LRRTM4: variants seen among roughly 807,000 people sequenced by gnomAD.
The protein encoded by LRRTM4 is leucine rich repeat transmembrane neuronal 4.
Under a neutral mutation model 47.6 loss-of-function variants are expected in LRRTM4, and 25 were observed. The ratio of observed to expected loss-of-function variants is 0.53; its 90% CI spans 0.38 to 0.73. The LOEUF (loss-of-function observed/expected upper bound fraction) is 0.73, where lower values mean the gene tolerates loss of function less well. Among genes scored for constraint, LRRTM4 ranks in the 30% least tolerant of loss-of-function variants. LRRTM4 has a pLI of 0.00. For synonymous variants in LRRTM4, 311 were observed against 269.5 expected, an observed-to-expected ratio of 1.15 and a Z score of -1.51; for missense variants, 638 against 713.4, an observed-to-expected ratio of 0.89 and a Z score of 1.20.
At chr2:76,808,349 C>T (rs1385689897) in intron 3 of LRRTM4, among the ~76,000 whole-genome samples, 1 of 151,638 alleles carries the variant, frequency 6.6e-6, no homozygotes, top group East Asian at 1.9e-4. Flanking sequence ...TTTTCTTTTA[C>T]TTTCATTTAA....
chr2:76,803,216 C>G (rs1227056669), intron 3 of LRRTM4, among the ~76,000 whole-genome samples: 2 of 151,980 alleles, frequency 1.3e-5, no homozygotes, highest in African/African-American at 4.8e-5. Context: ...GGGTTAATAT[C>G]CAAAATATAT....
intron 3 of LRRTM4, among the ~76,000 whole-genome samples, chr2:77,113,120 T>C (rs1376446376): frequency 1.3e-5 from 2 of 152,078 alleles, no homozygotes; most frequent in Admixed American, 6.5e-5. Flanking sequence ...CAAAGCCTAA[T>C]TGGGCATAAA....
chr2:77,026,238 T>C (rs909801701), intron 3 of LRRTM4, among the ~76,000 whole-genome samples: 2 of 152,116 alleles, frequency 1.3e-5, no homozygotes, highest in Non-Finnish European at 2.9e-5. Flanking sequence ...CAGGGGCCAT[T>C]TGAAGCACTT....
chr2:77,123,336 T>C (rs1019436130), intron 3 of LRRTM4, among the ~76,000 whole-genome samples: 8 of 152,042 alleles, frequency 5.3e-5, no homozygotes, highest in Non-Finnish European at 4.4e-5. Context: ...TTGAACTCCA[T>C]TTAATTAAAT....
At position 76,867,168 on chromosome 2, in the gene LRRTM4, G is replaced by T. The variant is rs149749930; in HGVS notation, c.1552-118252C>A. On this transcript the variant is annotated intron_variant, in intron 3 of 3. Coordinates refer to ENST00000409884, the MANE Select transcript of LRRTM4 (RefSeq NM_001134745.3). ...GTTGATAGGTGCAGCAAACCACCAT[G>T]ACACATATATACTTATGTAACAAAG... Among the ~76,000 whole-genome samples the T allele has an allele frequency of 1.0e-3, 158 of 152,252 alleles. 1 individual carries two copies. Among genetic ancestry groups the T allele is most frequent in the Middle Eastern group, 6.8e-3 (2 of 294 alleles).
intron 3 of LRRTM4, among the ~76,000 whole-genome samples, chr2:76,976,703 G>A (rs968528469): frequency 6.6e-5 from 10 of 151,774 alleles, no homozygotes; most frequent in Admixed American, 3.9e-4. Context: ...TGGGATATCC[G>A]TGGAAAAAGG....
At chr2:76,790,330 C>A (rs1445173542) in intron 3 of LRRTM4, among the ~76,000 whole-genome samples, 1 of 151,402 alleles carries the variant, frequency 6.6e-6, no homozygotes. Flanking sequence ...TTTTTTTTTG[C>A]CTCTGAATAA....
intron 3 of LRRTM4, among the ~76,000 whole-genome samples, chr2:77,124,319 GTTAAA>G (rs1332565504): frequency 6.6e-6 from 1 of 152,034 alleles, no homozygotes; most frequent in Non-Finnish European, 1.5e-5. Context: ...CAGGAACCAA[GTTAAA>G]TACACACAGG....
chr2:77,031,173 CCATTT>C (rs1678642062), intron 3 of LRRTM4, among the ~76,000 whole-genome samples: 1 of 151,976 alleles, frequency 6.6e-6, no homozygotes, highest in East Asian at 1.9e-4. Flanking sequence ...TCTACATTTG[CCATTT>C]ATTTTAACTA....
intron 3 of LRRTM4, among the ~76,000 whole-genome samples, chr2:76,806,529 C>G (rs993462325): frequency 6.6e-6 from 1 of 152,024 alleles, no homozygotes; most frequent in African/African-American, 2.4e-5. Context: ...TGCAATGAGC[C>G]AAGATCACGT....
chr2:76,803,063 C>T (rs926141262), intron 3 of LRRTM4, among the ~76,000 whole-genome samples: 2 of 151,802 alleles, frequency 1.3e-5, no homozygotes, highest in African/African-American at 4.8e-5. Flanking sequence ...TTATTTTTTG[C>T]ATATGAACAA....
intron 3 of LRRTM4, among the ~76,000 whole-genome samples, chr2:77,398,256 A>C (rs894045608): frequency 2.6e-5 from 4 of 151,918 alleles, no homozygotes; most frequent in African/African-American, 9.7e-5. Context: ...ATACGTCTTC[A>C]TAACAGATAA....
intron 3 of LRRTM4, among the ~76,000 whole-genome samples, chr2:77,379,681 G>A (rs1304973414): frequency 6.6e-6 from 1 of 151,848 alleles, no homozygotes; most frequent in Admixed American, 6.6e-5. Flanking sequence ...TAATTCTTTA[G>A]ATAAAGGCTA....
chr2:77,065,499 G>A (rs1679922334), intron 3 of LRRTM4, among the ~76,000 whole-genome samples: 2 of 152,098 alleles, frequency 1.3e-5, no homozygotes, highest in South Asian at 4.1e-4. Flanking sequence ...ATACATGTTT[G>A]TTCAGTGAGC....
At chr2:76,796,475 T>C (rs1013457951) in intron 3 of LRRTM4, among the ~76,000 whole-genome samples, 3 of 132,980 alleles carry the variant, frequency 2.3e-5, no homozygotes, top group African/African-American at 8.8e-5. Flanking sequence ...GATCTGAGAA[T>C]GGGCAGACTG....
chr2:77,459,100 C>A (rs1057444469), intron 3 of LRRTM4, among the ~76,000 whole-genome samples: 10 of 152,006 alleles, frequency 6.6e-5, no homozygotes, highest in Non-Finnish European at 1.5e-5. Flanking sequence ...TTCAGACATT[C>A]ATTTTTGTCC....
intron 3 of LRRTM4, among the ~76,000 whole-genome samples, chr2:76,837,802 T>G (rs1343737268): frequency 2.6e-5 from 4 of 152,062 alleles, no homozygotes; most frequent in Admixed American, 6.6e-5. Context: ...TGGATGAAAT[T>G]GGAAATCATC....
At position 77,428,715 on chromosome 2, in the gene LRRTM4, T is replaced by C. The variant is rs1379266568; in HGVS notation, c.1551+89603A>G. On this transcript the variant is annotated intron_variant, in intron 3 of 3. Transcript: ENST00000409884. ...AGAAAACACAGATAAGGCCATTCAT[T>C]AACGGAAGAATCAGAAGAGTAAATG... is the stretch of plus-strand genomic sequence containing the variant. 2.6e-5 allele frequency among the ~76,000 whole-genome samples: 4 copies of C among 152,334 alleles called. No homozygotes were observed. In the East Asian group the frequency reaches 5.8e-4, roughly 22 times the overall value.
intron 3 of LRRTM4, among the ~76,000 whole-genome samples, chr2:77,367,823 C>T (rs561262614): frequency 5.3e-5 from 8 of 151,940 alleles, no homozygotes; most frequent in African/African-American, 1.9e-4. Context: ...TTAGAGATTA[C>T]CTCATATTAA....
Sources: gnomAD v4.1 joint callset for allele counts (sites outside exome capture counted in the v4.1 genomes callset) on GRCh38, gnomAD v4.1.1 for gene constraint, MANE v1.5 for transcripts, NCBI Gene and HGNC (gene_info 2026-07-23, HGNC 2026-07-21) for gene names.